Variants in KCNG3 observed in about 807,000 individuals in gnomAD.
The protein encoded by KCNG3 is voltage-gated potassium channel regulatory subunit KCNG3.
A neutral mutation model predicts 29.0 loss-of-function variants in KCNG3; 15 were observed. That is an observed-to-expected ratio of 0.52 (90% CI 0.35 to 0.80). The LOEUF (loss-of-function observed/expected upper bound fraction) is 0.80, where lower values mean the gene tolerates loss of function less well. KCNG3 is among the 30% of genes least tolerant of loss of function. KCNG3 has a pLI of 0.01. For missense variants in KCNG3, 512 were observed against 605.7 expected (o/e 0.85, Z 1.62); for synonymous variants, 322 against 248.9 (o/e 1.29, Z -2.76).
At chr2:42,428,074 G>C in the KCNG3 span, among the ~76,000 whole-genome samples, 1 of 152,046 alleles carries the variant, frequency 6.6e-6, no homozygotes, top group East Asian at 1.9e-4. Flanking sequence ...ATGACATTCA[G>C]TGCTAACTGA....
At chr2:42,404,368 T>C in the KCNG3 span, among the ~76,000 whole-genome samples, 264 of 152,284 alleles carry the variant, frequency 1.7e-3, no homozygotes, top group Non-Finnish European at 3.2e-3. Flanking sequence ...GCTAGAGAAG[T>C]GAGCTCTAGA....
At chr2:42,431,370 A>G in the KCNG3 span, among the ~76,000 whole-genome samples, 5 of 152,166 alleles carry the variant, frequency 3.3e-5, no homozygotes, top group Non-Finnish European at 5.9e-5. Context: ...AGTGTGCCCA[A>G]AATCTTGAAT....
At chr2:42,410,211 G>C in the KCNG3 span, among the ~76,000 whole-genome samples, 1 of 152,118 alleles carries the variant, frequency 6.6e-6, no homozygotes, top group Non-Finnish European at 1.5e-5. Context: ...GTCATATTTT[G>C]GGGGCAATCG....
At chr2:42,467,392 T>C (rs1330344345) in intron 1 of KCNG3, among the ~76,000 whole-genome samples, 1 of 152,082 alleles carries the variant, frequency 6.6e-6, no homozygotes, top group Non-Finnish European at 1.5e-5. Context: ...GAAAGGCCAG[T>C]CGCAGCAACT....
At chr2:42,416,336 G>C in the KCNG3 span, among the ~76,000 whole-genome samples, 1 of 152,122 alleles carries the variant, frequency 6.6e-6, no homozygotes, top group Non-Finnish European at 1.5e-5. Context: ...CTAGAAACTA[G>C]GTACAGTGGT....
At chr2:42,407,991 G>C in the KCNG3 span, among the ~76,000 whole-genome samples, 1 of 152,238 alleles carries the variant, frequency 6.6e-6, no homozygotes, top group Non-Finnish European at 1.5e-5. Flanking sequence ...TCTCCCTGCT[G>C]TTGGTGCCCA....
At chr2:42,424,807 A>T in the KCNG3 span, 1 of 152,170 alleles carries the variant, frequency 6.6e-6, no homozygotes, top group Non-Finnish European at 1.5e-5. Context: ...TAATAGCAAT[A>T]AATCAAAGGA....
the KCNG3 span, among the ~76,000 whole-genome samples, chr2:42,429,708 C>T: frequency 6.6e-6 from 1 of 152,144 alleles, no homozygotes; most frequent in Non-Finnish European, 1.5e-5. Context: ...GGGCAGGGAG[C>T]CTAGCTTTTA....
chr2:42,406,819 T>G, the KCNG3 span, among the ~76,000 whole-genome samples: 3 of 78,032 alleles, frequency 3.8e-5, no homozygotes, highest in Non-Finnish European at 7.7e-5. Context: ...AGGGTGAGAC[T>G]CCTTCTCAAA....
At chr2:42,400,802 G>C in the KCNG3 span, among the ~76,000 whole-genome samples, 1 of 151,562 alleles carries the variant, frequency 6.6e-6, no homozygotes, top group African/African-American at 2.4e-5. Context: ...TTTCCCCTAT[G>C]GTATTTTTGT....
intron 1 of KCNG3, among the ~76,000 whole-genome samples, chr2:42,489,639 T>C (rs895356663): frequency 3.3e-5 from 5 of 152,112 alleles, no homozygotes; most frequent in African/African-American, 7.2e-5. Context: ...AAGAGAGGAA[T>C]AGAATCTGAA....
chr2:42,481,639 G>A (rs952555977), intron 1 of KCNG3, among the ~76,000 whole-genome samples: 2 of 152,076 alleles, frequency 1.3e-5, no homozygotes, highest in African/African-American at 4.8e-5. Flanking sequence ...GCATCTATAA[G>A]GCGCTTCCTG....
intron 1 of KCNG3, among the ~76,000 whole-genome samples, chr2:42,490,458 G>A (rs886372206): frequency 1.3e-5 from 2 of 152,116 alleles, no homozygotes; most frequent in African/African-American, 4.8e-5. Context: ...GACACTCCCT[G>A]CTAGTTTGGG....
At chr2:42,477,376 C>G (rs1367967853) in intron 1 of KCNG3, among the ~76,000 whole-genome samples, 1 of 49,972 alleles carries the variant, frequency 2.0e-5, no homozygotes, top group Non-Finnish European at 3.5e-5. Flanking sequence ...TATATATACA[C>G]ACACATATAT....
chr2:42,490,774 G>A (rs1161697523), intron 1 of KCNG3, among the ~76,000 whole-genome samples: 1 of 152,218 alleles, frequency 6.6e-6, no homozygotes, highest in Non-Finnish European at 1.5e-5. Flanking sequence ...TTATTTGGCA[G>A]ATGCAAAATA....
At chr2:42,433,757 CA>C in the KCNG3 span, among the ~76,000 whole-genome samples, 1 of 151,680 alleles carries the variant, frequency 6.6e-6, no homozygotes, top group Non-Finnish European at 1.5e-5. Context: ...CAAAACAAAA[CA>C]AAAAAACAAT....
the KCNG3 span, among the ~76,000 whole-genome samples, chr2:42,427,533 G>A: frequency 1.3e-5 from 2 of 152,078 alleles, no homozygotes; most frequent in South Asian, 2.1e-4. Flanking sequence ...TTGAGCCCAG[G>A]AGGTTGAGGC....
chr2:42,403,434 T>C, the KCNG3 span, among the ~76,000 whole-genome samples: 1 of 151,374 alleles, frequency 6.6e-6, no homozygotes, highest in Non-Finnish European at 1.5e-5. Flanking sequence ...TGAGCCACCA[T>C]ACCTGGCTTA....
At chr2:42,414,296 A>C in the KCNG3 span, among the ~76,000 whole-genome samples, 1 of 152,138 alleles carries the variant, frequency 6.6e-6, no homozygotes, top group Non-Finnish European at 1.5e-5. Flanking sequence ...GTGTTAAAAT[A>C]TCTCTATTAT....
Sources: allele counts gnomAD v4.1 joint callset (sites outside exome capture counted in the v4.1 genomes callset), GRCh38; gene constraint gnomAD v4.1.1; transcripts MANE v1.5; gene names NCBI Gene and HGNC (gene_info 2026-07-23, HGNC 2026-07-21).